Variants in SPPL2A observed in about 807,000 individuals in gnomAD.
SPPL2A encodes the protein signal peptide peptidase like 2A, also known as signal peptide peptidase-like 2A.
In SPPL2A, 51 loss-of-function variants were observed where a neutral mutation model predicts 63.8. The observed-to-expected ratio is 0.80, with a 90% CI of 0.64 to 1.01. SPPL2A has a LOEUF of 1.01. Among genes scored for constraint, SPPL2A ranks in the 50% least tolerant of loss-of-function variants. The pLI is 0.00. For missense variants in SPPL2A, 553 were observed against 622.7 expected, an observed-to-expected ratio of 0.89 and a Z score of 1.19; for synonymous variants, 188 against 205.8, an observed-to-expected ratio of 0.91 and a Z score of 0.74.
At chr15:50,747,661 T>A in intron 4 of SPPL2A, 33 bp from the exon 5 acceptor site, 1 of 1,542,028 alleles carries the variant, frequency 6.5e-7, no homozygotes, top group Non-Finnish European at 8.9e-7. Context: ...AACACAGGAA[T>A]AACTTTTCTT....
chr15:50,739,776 CCTT>C lies in SPPL2A; in HGVS notation c.634_636del (p.Lys212del), dbSNP rs1484260602. 4 of 1,604,080 alleles carry C rather than the reference CCTT, an allele frequency of 2.5e-6. 1 individual carries two copies. In the Admixed American group the frequency reaches 5.2e-5, roughly 21 times the overall value. ...AGAGGACTAAAAGTTAAATATTCTT[CCTT>C]CTTTTTCCTCATTTCTCTATCTTCA... On this transcript the variant is annotated inframe_deletion, in exon 6 of 15. Coordinates refer to ENST00000261854, the MANE Select transcript of SPPL2A (RefSeq NM_032802.4).
intron 4 of SPPL2A, 80 bp from the exon 5 acceptor site, chr15:50,747,708 C>T (rs1374535128): frequency 2.0e-6 from 2 of 982,682 alleles, no homozygotes; most frequent in Non-Finnish European, 3.1e-6. Flanking sequence ...CCACATTTCA[C>T]TCTGGAATGG....
chr15:50,760,339 C>A lies in SPPL2A; in HGVS notation c.66+5129G>T, dbSNP rs369086887. 3.3e-4 allele frequency among the ~76,000 whole-genome samples: 50 copies of A among 152,258 alleles called. 1 individual carries two copies. The South Asian group carries it at 0.01, about 31-fold the overall frequency. ...GCAAAGGCACGATCTTGGCTCACTG[C>A]AACCTCTGCCTCCTGGGTTCCAGTG... On this transcript the variant is annotated intron_variant, in intron 1 of 14. Coordinates refer to ENST00000261854, the MANE Select transcript of SPPL2A (RefSeq NM_032802.4).
At chr15:50,716,543 G>C (rs749358881) in intron 14 of SPPL2A, among the ~76,000 whole-genome samples, 1 of 152,108 alleles carries the variant, frequency 6.6e-6, no homozygotes, top group Non-Finnish European at 1.5e-5. Flanking sequence ...CTGTATGAAA[G>C]GGAAATGAAT....
At position 50,703,352 on chromosome 15, in the gene SPPL2A, A is replaced by ATTTT. The variant is rs1289066007; in HGVS notation, c.*4447_*4448insAAAA. Reference sequence around the variant, plus strand: ...TATATATATATATATATATACATATATATATTTTTTTTTTTTTTTTTTTTT... The same window carrying ATTTT: ...TATATATATATATATATATACATATATTTTTATATTTTTTTTTTTTTTTTTTTTT... On this transcript the variant is annotated 3_prime_UTR_variant, in exon 15 of 15. Transcript: ENST00000261854. 7.6e-4 allele frequency: 48 copies of ATTTT among 63,344 alleles called. No individual in the cohort carries two copies. Among genetic ancestry groups the ATTTT allele is most frequent in the Non-Finnish European group, 1.2e-3 (40 of 32,182 alleles). The allele number at this position is 63,344 out of a possible 1,614,324, so 3.9% of individuals were successfully genotyped here. A position where few individuals can be genotyped will look rare whatever the true frequency, so the allele number is the denominator to read the frequency against.
chr15:50,718,142 T>G (rs926941534), intron 14 of SPPL2A, among the ~76,000 whole-genome samples: 1 of 151,490 alleles, frequency 6.6e-6, no homozygotes, highest in African/African-American at 2.4e-5. Context: ...CCGGCTAATA[T>G]TTTTTTTGTA....
intron 7 of SPPL2A, 64 bp from the exon 8 acceptor site, chr15:50,736,266 G>A: frequency 2.1e-6 from 2 of 964,794 alleles, no homozygotes; most frequent in South Asian, 1.3e-5. Context: ...GATATAAGAA[G>A]TAGCAAATAT....
intron 1 of SPPL2A, among the ~76,000 whole-genome samples, chr15:50,756,098 T>C (rs556310825): frequency 4.6e-5 from 7 of 151,572 alleles, no homozygotes; most frequent in Non-Finnish European, 7.4e-5. Context: ...TGGTGGCTCA[T>C]GCCTGTAATC....
intron 4 of SPPL2A, 56 bp from the exon 5 acceptor site, chr15:50,747,684 A>AT (rs2062869487): frequency 1.6e-6 from 2 of 1,256,678 alleles, no homozygotes; most frequent in East Asian, 2.3e-5. Context: ...TACTATAGTC[A>AT]TAACAGCAAT....
chr15:50,765,420 G>A lies in SPPL2A; in HGVS notation c.66+48C>T, dbSNP rs1006043334. 1.8e-4 allele frequency: 261 copies of A among 1,438,790 alleles called. 3 individuals are homozygous for A. Among genetic ancestry groups the A allele is most frequent in the Non-Finnish European group, 2.3e-4 (250 of 1,087,504 alleles). The allele number at this position is 1,438,790 out of a possible 1,614,324, so 89.1% of individuals were successfully genotyped here. A position where few individuals can be genotyped will look rare whatever the true frequency, so the allele number is the denominator to read the frequency against. On this transcript the variant is annotated intron_variant, in intron 1 of 14. Coordinates refer to ENST00000261854, the MANE Select transcript of SPPL2A (RefSeq NM_032802.4). The stretch of plus-strand genomic sequence containing the variant: ...GGAAGGGAGCCCCGGCCTTGGCCCC[G>A]GCCCCGCCCAGCCCCTGGGAGGCCT...
In SPPL2A at chr15:50,703,356, A is replaced by ATTTTTTTTTTTTTTTTT. The variant is rs61674724; in HGVS notation, c.*4427_*4443dup. 1 of 62,042 alleles carries ATTTTTTTTTTTTTTTTT rather than the reference A, an allele frequency of 1.6e-5. No individual in the cohort carries two copies. The highest frequency in any genetic ancestry group is 7.0e-5 in the African/African-American group (1 of 14,240). 3.8% of individuals were successfully genotyped at this position (62,042 alleles called of 1,614,324 possible). A position where few individuals can be genotyped will look rare whatever the true frequency, so the allele number is the denominator to read the frequency against. Reference sequence around the variant, plus strand: ...TATATATATATATATACATATATATATTTTTTTTTTTTTTTTTTTTTTTTG... The same window carrying ATTTTTTTTTTTTTTTTT: ...TATATATATATATATACATATATATATTTTTTTTTTTTTTTTTTTTTTTTTTTTTTTTTTTTTTTTTG... On this transcript the variant is annotated 3_prime_UTR_variant, in exon 15 of 15. Transcript: ENST00000261854.
intron 13 of SPPL2A, among the ~76,000 whole-genome samples, chr15:50,721,356 T>C (rs1201672219): frequency 6.6e-6 from 1 of 152,052 alleles, no homozygotes; most frequent in African/African-American, 2.4e-5. Flanking sequence ...CAGCTGAGAC[T>C]GCTTTTTGAA....
At chr15:50,729,134 G>A (rs1426085712) in intron 10 of SPPL2A, among the ~76,000 whole-genome samples, 2 of 151,870 alleles carry the variant, frequency 1.3e-5, no homozygotes, top group Non-Finnish European at 2.9e-5. Context: ...TGTATTTTTA[G>A]TAGAGATACA....
At position 50,751,896 on chromosome 15, in the gene SPPL2A, A is replaced by G. The variant is rs138505825; in HGVS notation, c.67-2150T>C. ...AGGCTGGAGTGCAATGAATGGCATG[A>G]TCTTGGCTCACTGCAACCTCCGCCT... On this transcript the variant is annotated intron_variant, in intron 1 of 14. Coordinates refer to ENST00000261854, the MANE Select transcript of SPPL2A (RefSeq NM_032802.4). Among the ~76,000 whole-genome samples the G allele has an allele frequency of 2.7e-3, 406 of 152,130 alleles. 1 individual carries two copies. Among genetic ancestry groups the G allele is most frequent in the African/African-American group, 9.3e-3 (387 of 41,530 alleles).
chr15:50,745,856 G>A (rs1052898968), intron 5 of SPPL2A, among the ~76,000 whole-genome samples: 2 of 151,012 alleles, frequency 1.3e-5, no homozygotes, highest in Non-Finnish European at 2.9e-5. Flanking sequence ...TTCAAGACCA[G>A]TCTGGCCAAC....
At chr15:50,761,594 C>T (rs1176758509) in intron 1 of SPPL2A, among the ~76,000 whole-genome samples, 1 of 151,794 alleles carries the variant, frequency 6.6e-6, no homozygotes, top group Non-Finnish European at 1.5e-5. Flanking sequence ...TCAGCCTGGG[C>T]AACAAGAGTG....
chr15:50,709,337 T>G (rs59685680), intron 14 of SPPL2A, among the ~76,000 whole-genome samples: 25,640 of 152,132 alleles, frequency 0.17, 2,721 homozygotes, highest in East Asian at 0.46. Flanking sequence ...ATGTTCCTAT[T>G]TTTGAAAAGT....
At chr15:50,715,321 A>G (rs1278641873) in intron 14 of SPPL2A, among the ~76,000 whole-genome samples, 1 of 152,132 alleles carries the variant, frequency 6.6e-6, no homozygotes, top group East Asian at 1.9e-4. Flanking sequence ...TGGATGGTCC[A>G]GGGCAAAGCA....
At chr15:50,741,716 C>T (rs1244760325) in intron 5 of SPPL2A, among the ~76,000 whole-genome samples, 1 of 152,002 alleles carries the variant, frequency 6.6e-6, no homozygotes, top group Non-Finnish European at 1.5e-5. Context: ...CTTGTGATCC[C>T]AGAACTTTAG....
Sources: allele counts gnomAD v4.1 joint callset (sites outside exome capture counted in the v4.1 genomes callset), GRCh38; gene constraint gnomAD v4.1.1; transcripts MANE v1.5; gene names NCBI Gene and HGNC (gene_info 2026-07-23, HGNC 2026-07-21).